MYRIP: variants seen among roughly 807,000 people sequenced by gnomAD.
MYRIP encodes rab effector MyRIP.
Under a neutral mutation model 98.0 loss-of-function variants are expected in MYRIP, and 49 were observed. The observed-to-expected ratio is 0.50, with a 90% CI of 0.40 to 0.63. The LOEUF is 0.63. Among genes scored for constraint, MYRIP ranks in the 30% least tolerant of loss-of-function variants. The pLI is 0.00. For missense variants in MYRIP, 1,004 were observed against 1,058.2 expected, an observed-to-expected ratio of 0.95 and a Z score of 0.71; for synonymous variants, 404 against 409.5, an observed-to-expected ratio of 0.99 and a Z score of 0.16.
intron 1 of MYRIP, among the ~76,000 whole-genome samples, chr3:39,883,675 A>C (rs1307945327): frequency 1.3e-5 from 2 of 152,078 alleles, no homozygotes; most frequent in Non-Finnish European, 2.9e-5. Flanking sequence ...AGAGTTGAAA[A>C]ATGCAAAAAA....
intron 3 of MYRIP, among the ~76,000 whole-genome samples, chr3:40,105,627 A>T (rs1448798818): frequency 2.0e-5 from 3 of 152,178 alleles, no homozygotes; most frequent in African/African-American, 7.2e-5. Context: ...TGCTTTAAAG[A>T]AATACCCAAG....
At chr3:40,085,622 C>G (rs1187439055) in intron 3 of MYRIP, among the ~76,000 whole-genome samples, 1 of 152,134 alleles carries the variant, frequency 6.6e-6, no homozygotes, top group Non-Finnish European at 1.5e-5. Flanking sequence ...AGAACTTCCT[C>G]AGGGAGGAAA....
chr3:40,157,128 G>A (rs1318056447), intron 4 of MYRIP, among the ~76,000 whole-genome samples: 2 of 145,344 alleles, frequency 1.4e-5, no homozygotes, highest in Non-Finnish European at 3.0e-5. Flanking sequence ...ATTGGCTGTG[G>A]GTTTGTCATA....
chr3:39,877,133 TC>T lies in MYRIP; in HGVS notation c.-30-23653del, dbSNP rs530323154. Among the ~76,000 whole-genome samples the T allele has an allele frequency of 2.0e-4, 31 of 152,356 alleles. No homozygotes were observed. In the East Asian group the frequency reaches 5.4e-3, roughly 27 times the overall value. Reference sequence around the variant, plus strand: ...ATACCCTTTCTTCCAGTTGATCGCATCAGCTCCAGAGGCTTCTGCATTCTTC... The same window carrying T: ...ATACCCTTTCTTCCAGTTGATCGCATAGCTCCAGAGGCTTCTGCATTCTTC... On this transcript the variant is annotated intron_variant, in intron 1 of 16. Coordinates refer to ENST00000302541, the MANE Select transcript of MYRIP (RefSeq NM_015460.4).
intron 3 of MYRIP, among the ~76,000 whole-genome samples, chr3:40,149,617 A>G (rs1435468216): frequency 6.6e-6 from 1 of 152,140 alleles, no homozygotes; most frequent in Non-Finnish European, 1.5e-5. Context: ...TGGGGGACCA[A>G]GAGGCCTCAT....
intron 3 of MYRIP, among the ~76,000 whole-genome samples, chr3:40,135,264 A>G (rs937705465): frequency 8.5e-5 from 13 of 152,372 alleles, no homozygotes; most frequent in Admixed American, 8.5e-4. Context: ...GATGTGATCA[A>G]CTGGAAGAAA....
intron 2 of MYRIP, among the ~76,000 whole-genome samples, chr3:40,009,168 G>A (rs1195500010): frequency 6.6e-6 from 1 of 152,268 alleles, no homozygotes; most frequent in East Asian, 1.9e-4. Context: ...GAGACTGCCA[G>A]ACCCTGCCAT....
At chr3:40,033,644 C>T (rs1044243277) in intron 2 of MYRIP, among the ~76,000 whole-genome samples, 3 of 152,156 alleles carry the variant, frequency 2.0e-5, no homozygotes, top group Admixed American at 6.6e-5. Context: ...GGCCATACTG[C>T]CCAAGGTAAT....
chr3:39,943,098 G>A (rs1037329234), intron 2 of MYRIP, among the ~76,000 whole-genome samples: 4 of 152,064 alleles, frequency 2.6e-5, no homozygotes, highest in Non-Finnish European at 5.9e-5. Flanking sequence ...CTCATCTGAG[G>A]CACCCATGAC....
chr3:40,061,225 C>T (rs1296943824), intron 3 of MYRIP, among the ~76,000 whole-genome samples: 2 of 152,192 alleles, frequency 1.3e-5, no homozygotes, highest in Non-Finnish European at 2.9e-5. Context: ...CTGCTCCTCT[C>T]CCTTCTCCTA....
intron 2 of MYRIP, among the ~76,000 whole-genome samples, chr3:40,000,544 T>A (rs981132232): frequency 5.9e-4 from 90 of 152,362 alleles, no homozygotes; most frequent in African/African-American, 2.1e-3. Flanking sequence ...TCTCTTGAAA[T>A]GCCCAGAGCT....
chr3:40,060,325 G>A (rs1947980780), intron 3 of MYRIP, among the ~76,000 whole-genome samples: 1 of 152,102 alleles, frequency 6.6e-6, no homozygotes, highest in South Asian at 2.1e-4. Context: ...AGAAACCTTT[G>A]TCTAAATGCC....
At chr3:40,140,438 C>A (rs1197204353) in intron 3 of MYRIP, among the ~76,000 whole-genome samples, 2 of 152,162 alleles carry the variant, frequency 1.3e-5, no homozygotes, top group Non-Finnish European at 2.9e-5. Flanking sequence ...GTGCAGATGT[C>A]TCTTCGGTAT....
At chr3:40,251,808 C>T in intron 15 of MYRIP, 73 bp from the exon 16 acceptor site, 1 of 1,005,440 alleles carries the variant, frequency 9.9e-7, no homozygotes. Context: ...GTAATCTGGC[C>T]ACCTTGTTTT....
At chr3:39,880,738 T>C (rs1381544298) in intron 1 of MYRIP, among the ~76,000 whole-genome samples, 1 of 152,236 alleles carries the variant, frequency 6.6e-6, no homozygotes, top group East Asian at 1.9e-4. Flanking sequence ...TCTTTACCCA[T>C]AGAATGCAAT....
intron 3 of MYRIP, among the ~76,000 whole-genome samples, chr3:40,066,547 C>T (rs1290632657): frequency 1.3e-5 from 2 of 152,190 alleles, no homozygotes; most frequent in South Asian, 2.1e-4. Flanking sequence ...ACTCCTGACA[C>T]AAATGAAAAG....
intron 2 of MYRIP, among the ~76,000 whole-genome samples, chr3:39,902,248 G>A (rs1943759627): frequency 6.6e-6 from 1 of 152,176 alleles, no homozygotes; most frequent in African/African-American, 2.4e-5. Context: ...TGGCATTTAT[G>A]TATTTGCAAC....
intron 2 of MYRIP, among the ~76,000 whole-genome samples, chr3:39,960,357 A>G (rs1306931164): frequency 6.6e-6 from 1 of 152,140 alleles, no homozygotes; most frequent in Non-Finnish European, 1.5e-5. Flanking sequence ...ACTTTCTTGT[A>G]AAAAACACAT....
chr3:39,910,420 C>T (rs1943992294), intron 2 of MYRIP, among the ~76,000 whole-genome samples: 1 of 152,270 alleles, frequency 6.6e-6, no homozygotes, highest in African/African-American at 2.4e-5. Context: ...GGCACCTGTG[C>T]TTGCTAAAAC....
Sources: gnomAD v4.1 joint callset for allele counts (sites outside exome capture counted in the v4.1 genomes callset) on GRCh38, gnomAD v4.1.1 for gene constraint, MANE v1.5 for transcripts, NCBI Gene and HGNC (gene_info 2026-07-23, HGNC 2026-07-21) for gene names.